Variants in VASH2 observed in about 807,000 individuals in gnomAD.
VASH2 encodes the protein vasohibin 2.
VASH2 carries 28 observed loss-of-function variants against 37.2 expected under a neutral mutation model. That is an observed-to-expected ratio of 0.75 (90% CI 0.56 to 1.03). VASH2 has a LOEUF of 1.03. Ranked by LOEUF, VASH2 falls within the 50% of genes least tolerant of loss-of-function variation. The pLI, the probability that VASH2 is intolerant of heterozygous loss-of-function variation, is 0.00. For missense variants in VASH2, 419 were observed against 459.1 expected (o/e 0.91, Z 0.80); for synonymous variants, 188 against 174.7 (o/e 1.08, Z -0.60).
intron 2 of VASH2, chr1:212,952,892 T>TAA (rs1406459710): frequency 6.6e-6 from 1 of 152,250 alleles, no homozygotes; most frequent in Non-Finnish European, 1.5e-5. Context: ...ACAGAGCCTC[T>TAA]AAACTTCCTG....
chr1:212,961,590 C>T (rs180843756), intron 3 of VASH2, among the ~76,000 whole-genome samples: 1 of 152,306 alleles, frequency 6.6e-6, no homozygotes, highest in African/African-American at 2.4e-5. Flanking sequence ...TTGTTCCCCT[C>T]CTCCTGTTCT....
rs1197896996 is a variant in VASH2 at position 212,951,934 on chromosome 1, A to T, written c.276+116A>T. ...CTCCATTTTCCTAGTCCTGCTACAA[A>T]CTCCCTTCCTCTCCCCATTCCTTCC... On this transcript the variant is annotated intron_variant, in intron 2 of 7. Transcript: ENST00000517399. The surrounding 1 kb of genome is among the most constrained non-coding windows in gnomAD (Gnocchi z 4.4). 6 of 1,228,686 alleles carry T rather than the reference A, an allele frequency of 4.9e-6. No individual in the cohort carries two copies. Among genetic ancestry groups the T allele is most frequent in the East Asian group, 2.6e-5 (1 of 39,186 alleles). The allele number at this position is 1,228,686 out of a possible 1,614,324, so 76.1% of individuals were successfully genotyped here.
At chr1:212,969,161 CACAG>C (rs1295888025) in intron 5 of VASH2, 1 of 984,984 alleles carries the variant, frequency 1.0e-6, no homozygotes, top group East Asian at 1.1e-4. Flanking sequence ...GACTCTTGCA[CACAG>C]ACAGGAAACA....
chr1:212,961,302 T>G (rs1666670125), intron 3 of VASH2, 48 bp downstream of exon 3: 1 of 1,613,210 alleles, frequency 6.2e-7, no homozygotes, highest in African/African-American at 1.3e-5. Flanking sequence ...GGGACAGGCA[T>G]GGTGATCGCA....
chr1:212,965,964 G>C, intron 4 of VASH2, 186 bp downstream of exon 4: 6 of 621,564 alleles, frequency 9.7e-6, no homozygotes, highest in Non-Finnish European at 1.7e-5. Context: ...TGACAGTGGA[G>C]CTCAGTGGTG....
chr1:212,986,755 T>G (rs1254905906), intron 7 of VASH2, among the ~76,000 whole-genome samples: 1 of 152,008 alleles, frequency 6.6e-6, no homozygotes, highest in East Asian at 1.9e-4. Flanking sequence ...GTCTACACAC[T>G]GAAGTGTAGG....
At chr1:212,964,612 C>A (rs1666781296) in intron 3 of VASH2, among the ~76,000 whole-genome samples, 1 of 152,166 alleles carries the variant, frequency 6.6e-6, no homozygotes, top group South Asian at 2.1e-4. Context: ...TCAGCTAAAT[C>A]CCAGATAGTG....
intron 4 of VASH2, 114 bp downstream of exon 4, chr1:212,965,892 G>A (rs1666826315): frequency 8.0e-6 from 9 of 1,130,480 alleles, no homozygotes; most frequent in Non-Finnish European, 1.2e-5. Flanking sequence ...TAGTCTGTAA[G>A]GGGTGGAGGC....
chr1:212,985,198 CTT>C (rs55804989), intron 7 of VASH2, among the ~76,000 whole-genome samples: 3 of 100,810 alleles, frequency 3.0e-5, no homozygotes, highest in Admixed American at 2.2e-4. Context: ...ATTTTTTTTG[CTT>C]TTTTTTTTTT....
chr1:212,976,001 G>A (rs534856992), intron 7 of VASH2, among the ~76,000 whole-genome samples: 1 of 152,272 alleles, frequency 6.6e-6, no homozygotes, highest in Admixed American at 6.5e-5. Context: ...TTTTAACCAG[G>A]AAACGTGACC....
chr1:212,970,310 ATCC>A (rs1666971200), intron 5 of VASH2, among the ~76,000 whole-genome samples: 1 of 151,982 alleles, frequency 6.6e-6, no homozygotes, highest in African/African-American at 2.4e-5. Context: ...GATGGGAGAA[ATCC>A]TCAAGATCAG....
In VASH2 at chr1:212,973,987, C is replaced by T; in HGVS notation, c.912C>T (p.Thr304=). The part of the protein sequence containing the change: ...ILKPASAHSP[T]QVRSRGKSLS... ...AACCTGCAAGTGCCCACTCTCCGAC[C>T]CAAGTGAGAAGCCGGGGAAAATCCC... The change falls in exon 7 of 8, where the codon ACC becomes ACT. Residue 304 remains threonine, a synonymous_variant. Coordinates refer to ENST00000517399, the MANE Select transcript of VASH2 (RefSeq NM_001301056.2). 1 of 1,613,832 alleles carries T rather than the reference C, an allele frequency of 6.2e-7. No individual in the cohort carries two copies. The highest frequency in any genetic ancestry group is 1.1e-5 in the South Asian group (1 of 91,054).
At chr1:212,988,391 A>C in intron 7 of VASH2, 121 bp from the exon 8 acceptor site, 1 of 951,122 alleles carries the variant, frequency 1.1e-6, no homozygotes, top group Non-Finnish European at 1.6e-6. Context: ...GGGTGGGGGA[A>C]TGGGAGGATG....
chr1:212,975,667 G>A (rs935668102), intron 7 of VASH2, among the ~76,000 whole-genome samples: 3 of 152,296 alleles, frequency 2.0e-5, no homozygotes, highest in Middle Eastern at 3.4e-3. Flanking sequence ...CTTCCCAGAG[G>A]GTCATTTAGC....
At chr1:212,981,524 T>C (rs1667338775) in intron 7 of VASH2, among the ~76,000 whole-genome samples, 1 of 152,200 alleles carries the variant, frequency 6.6e-6, no homozygotes, top group Admixed American at 6.5e-5. Flanking sequence ...CTGGGGTCTT[T>C]GCTTAAACTT....
intron 3 of VASH2, among the ~76,000 whole-genome samples, chr1:212,963,266 C>T (rs1295422403): frequency 6.6e-6 from 1 of 152,230 alleles, no homozygotes. Flanking sequence ...AACAGCATCA[C>T]TGACTGCAGA....
Position 212,973,013 on chromosome 1 carries a change from C to T in VASH2, c.879+52C>T, listed in dbSNP as rs780203468. The T allele has an allele frequency of 5.1e-6, 8 of 1,570,934 alleles. No individual in the cohort carries two copies. The African/African-American group carries it at 5.5e-5, about 11-fold the overall frequency. ...ATGCAGGAGAGCTCTTTTCCCATTCCTTTCTCTCTGTCTCTTGCTCCAGGC... is the reference window on the plus strand; with the variant it reads ...ATGCAGGAGAGCTCTTTTCCCATTCTTTTCTCTCTGTCTCTTGCTCCAGGC... On this transcript the variant is annotated intron_variant, in intron 6 of 7. Transcript: ENST00000517399.
At chr1:212,962,017 C>T (rs1289890356) in intron 3 of VASH2, among the ~76,000 whole-genome samples, 1 of 152,208 alleles carries the variant, frequency 6.6e-6, no homozygotes, top group Non-Finnish European at 1.5e-5. Context: ...CTGCCTTTGT[C>T]TCCCCAGGTG....
In VASH2 at chr1:212,990,317, AACAGTATT is replaced by A. The variant is rs1166093618; in HGVS notation, c.*1735_*1742del. On this transcript the variant is annotated 3_prime_UTR_variant, in exon 8 of 8. Transcript: ENST00000517399. ...AAATTATCAGTTTAATCTCTTTAAG[AACAGTATT>A]ATCAGAGTTTAAAATGAGTTAGCTC... The A allele has an allele frequency of 4.6e-5, 7 of 152,238 alleles. No individual in the cohort carries two copies. The highest frequency in any genetic ancestry group is 1.7e-4 in the African/African-American group (7 of 41,472). The allele number at this position is 152,238 out of a possible 1,614,324, so 9.4% of individuals were successfully genotyped here.
Sources: allele counts gnomAD v4.1 joint callset (sites outside exome capture counted in the v4.1 genomes callset), GRCh38; gene constraint gnomAD v4.1.1; non-coding constraint Gnocchi (gnomAD v3.1); transcripts MANE v1.5; gene names NCBI Gene and HGNC (gene_info 2026-07-23, HGNC 2026-07-21).